The following PARP9 variants were observed in gnomAD, a reference collection of about 807,000 sequenced individuals.
PARP9 encodes the protein protein mono-ADP-ribosyltransferase PARP9.
Under a neutral mutation model 68.8 loss-of-function variants are expected in PARP9, and 48 were observed. That is an observed-to-expected ratio of 0.70 (90% CI 0.55 to 0.89). PARP9 has a LOEUF of 0.89. Among genes scored for constraint, PARP9 ranks in the 40% least tolerant of loss-of-function variants. PARP9 has a pLI of 0.00. For missense variants in PARP9, 806 were observed against 969.3 expected (o/e 0.83, Z 2.24); for synonymous variants, 309 against 333.8 (o/e 0.93, Z 0.81).
chr3:122,546,987 T>TAC (rs2078757369), intron 6 of PARP9, among the ~76,000 whole-genome samples: 2 of 73,740 alleles, frequency 2.7e-5, no homozygotes, highest in Admixed American at 1.2e-4. Flanking sequence ...TATATATATA[T>TAC]ATATATATAT....
intron 7 of PARP9, among the ~76,000 whole-genome samples, chr3:122,543,688 G>A (rs946413638): frequency 6.6e-6 from 1 of 152,170 alleles, no homozygotes; most frequent in African/African-American, 2.4e-5. Flanking sequence ...ATGGCTCACT[G>A]CAGCCTTGAC....
intron 6 of PARP9, among the ~76,000 whole-genome samples, chr3:122,549,227 A>T (rs975045808): frequency 6.6e-6 from 1 of 152,044 alleles, no homozygotes; most frequent in African/African-American, 2.4e-5. Context: ...TGTTAGCTAC[A>T]CTGGTCTCAA....
chr3:122,552,419 T>G lies in PARP9; in HGVS notation c.1106A>C (p.Gln369Pro). ...AAGCCACATTTATTTTAAACTTACC[T>G]GAGGTTTAGGAAATTCTGAATGCCA... The part of the protein sequence containing the change: ...VLWHSEFPKP[Q>P]ILKHAMKECL... Residue 369 changes from glutamine (Q) to proline (P), a missense_variant and splice_region_variant, in exon 5 of 11, where the codon CAG becomes CCG. By Grantham distance (76) the Gln-to-Pro change is moderately conservative (BLOSUM62 -1). This residue lies in a region of PARP9 where 680 missense variants were observed against 858.8 expected (regional missense o/e 0.79). Transcript: ENST00000682323. The G allele has an allele frequency of 1.9e-6, 3 of 1,601,716 alleles. No homozygotes were observed. Among genetic ancestry groups the G allele is most frequent in the Non-Finnish European group, 2.6e-6 (3 of 1,170,170 alleles).
At chr3:122,532,690 G>A (rs1265133642) in intron 10 of PARP9, 2 of 152,768 alleles carry the variant, frequency 1.3e-5, no homozygotes, top group African/African-American at 4.8e-5. Context: ...GGAGCACAGA[G>A]GAGGAAGATA....
chr3:122,535,877 T>C (rs2077603554), intron 10 of PARP9: 1 of 1,251,198 alleles, frequency 8.0e-7, no homozygotes, highest in Non-Finnish European at 1.0e-6. Flanking sequence ...ACGTGTTCTC[T>C]GCGGATAGGA....
chr3:122,535,479 G>C (rs1163249012), intron 10 of PARP9: 9 of 985,212 alleles, frequency 9.1e-6, no homozygotes, highest in Non-Finnish European at 1.1e-5. Flanking sequence ...AAGCCACCCC[G>C]CTAAGTATCT....
At chr3:122,553,921 A>C (rs535669158) in intron 4 of PARP9, among the ~76,000 whole-genome samples, 1 of 152,210 alleles carries the variant, frequency 6.6e-6, no homozygotes, top group South Asian at 2.1e-4. Flanking sequence ...CTCCATCTTT[A>C]AGGTGCTCTC....
chr3:122,549,139 C>T (rs1012930209), intron 6 of PARP9, among the ~76,000 whole-genome samples: 3 of 152,016 alleles, frequency 2.0e-5, no homozygotes, highest in Non-Finnish European at 4.4e-5. Context: ...CTCAGCCTCC[C>T]GAGTAGCTGG....
chr3:122,547,112 C>T (rs6438738), intron 6 of PARP9, among the ~76,000 whole-genome samples: 1,285 of 103,932 alleles, frequency 0.012, 81 homozygotes, highest in Non-Finnish European at 0.019. Context: ...ATTTTTTTTT[C>T]TTTTTTTTTT....
intron 1 of PARP9, among the ~76,000 whole-genome samples, chr3:122,562,822 A>G (rs941718504): frequency 8.5e-5 from 13 of 152,118 alleles, no homozygotes; most frequent in Non-Finnish European, 2.9e-5. Context: ...TACTATTATT[A>G]TTAAACTGCT....
At chr3:122,529,517 G>C (rs1553711937) in intron 10 of PARP9, among the ~76,000 whole-genome samples, 1 of 151,308 alleles carries the variant, frequency 6.6e-6, no homozygotes, top group Non-Finnish European at 1.5e-5. Context: ...TTGGTAGGCC[G>C]AGGCGGGCTG....
In PARP9 at chr3:122,556,000, G is replaced by T. The variant is rs753741132; in HGVS notation, c.171C>A (p.Ile57=). ...CCTGAACTGGAGAGACCAGGGTAGA[G>T]ATACAGCCAAACTTATTCTGGAGGA... The part of the protein sequence containing the change: ...CEVLQNKFGC[I]STLVSPVQEG... Residue 57 remains isoleucine (I), a synonymous_variant, in exon 4 of 11, where the codon ATC becomes ATA. Coordinates refer to ENST00000682323, the MANE Select transcript of PARP9 (RefSeq NM_001146105.2). The T allele has an allele frequency of 6.2e-7, 1 of 1,614,014 alleles. No homozygotes were observed. The highest frequency in any genetic ancestry group is 1.7e-5 in the Admixed American group (1 of 60,000).
chr3:122,558,090 G>A (rs2079857586), intron 3 of PARP9, among the ~76,000 whole-genome samples: 2 of 152,200 alleles, frequency 1.3e-5, no homozygotes, highest in African/African-American at 4.8e-5. Context: ...AATCTTTAAT[G>A]GGGGACCCCT....
intron 6 of PARP9, 72 bp downstream of exon 6, chr3:122,550,512 A>T: frequency 8.1e-7 from 1 of 1,238,362 alleles, no homozygotes; most frequent in East Asian, 2.4e-5. Flanking sequence ...TACATTGTAG[A>T]TACTAAACAG....
At chr3:122,533,956 T>C (rs775186526) in intron 10 of PARP9, 7 of 985,454 alleles carry the variant, frequency 7.1e-6, no homozygotes, top group Non-Finnish European at 8.4e-6. Context: ...GTAGCAAGAT[T>C]GGTGTCTCCT....
intron 10 of PARP9, among the ~76,000 whole-genome samples, chr3:122,530,772 G>A (rs1368717223): frequency 3.3e-5 from 5 of 152,038 alleles, no homozygotes; most frequent in South Asian, 2.1e-4. Context: ...CACACATGTC[G>A]TTTAAAACTT....
At chr3:122,535,647 T>C (rs2077580342) in intron 10 of PARP9, 1 of 985,992 alleles carries the variant, frequency 1.0e-6, no homozygotes, top group Admixed American at 6.1e-5. Context: ...ATAGAACTCC[T>C]ATGGATGAAG....
chr3:122,534,905 A>C (rs2077536281), intron 10 of PARP9: 1 of 964,750 alleles, frequency 1.0e-6, no homozygotes, highest in African/African-American at 1.8e-5. Flanking sequence ...TAAAGAGAGA[A>C]CTGCCTGAAC....
At chr3:122,534,416 C>T (rs1346526106) in intron 10 of PARP9, 1 of 985,314 alleles carries the variant, frequency 1.0e-6, no homozygotes, top group Non-Finnish European at 1.2e-6. Context: ...AATAGGGAGT[C>T]CTCTCTATAC....
Sources: allele counts gnomAD v4.1 joint callset (sites outside exome capture counted in the v4.1 genomes callset), GRCh38; gene constraint gnomAD v4.1.1; regional missense constraint gnomAD v4.1.1; transcripts MANE v1.5; gene names NCBI Gene and HGNC (gene_info 2026-07-23, HGNC 2026-07-21).